Variants in PRDM5 observed in about 807,000 individuals in gnomAD.
PRDM5 encodes the protein PR/SET domain 5.
PRDM5 carries 56 observed loss-of-function variants against 81.2 expected under a neutral mutation model. That is an observed-to-expected ratio of 0.69 (90% confidence interval 0.56 to 0.86). The LOEUF (loss-of-function observed/expected upper bound fraction) is 0.86. Among genes scored for constraint, PRDM5 ranks in the 40% least tolerant of loss-of-function variants. The pLI, the probability that PRDM5 is intolerant of heterozygous loss-of-function variation, is 0.00. For missense variants in PRDM5, 697 were observed against 770.1 expected (o/e 0.91, Z 1.12); for synonymous variants, 267 against 256.4 (o/e 1.04, Z -0.39).
intron 8 of PRDM5, among the ~76,000 whole-genome samples, chr4:120,808,171 A>G (rs1182445831): frequency 1.3e-5 from 2 of 152,134 alleles, no homozygotes; most frequent in African/African-American, 4.8e-5. Flanking sequence ...TGGCTGGGGC[A>G]GCCTGCTTTT....
At chr4:120,747,802 A>T (rs1743360506) in intron 14 of PRDM5, among the ~76,000 whole-genome samples, 1 of 152,250 alleles carries the variant, frequency 6.6e-6, no homozygotes, top group African/African-American at 2.4e-5. Context: ...CTGTTTCTGC[A>T]AACAAGGCTG....
Position 120,818,495 on chromosome 4 carries a change from G to A in PRDM5, c.508C>T (p.Pro170Ser), listed in dbSNP as rs746068577. ...CTGGTAAAACTCGATTCACATTGAG[G>A]ACAAGCATAGTCCTCTTTACAGCCA... ...RLGCKEDYACPQCESSFTSED... is the reference protein window; with the variant it reads ...RLGCKEDYACSQCESSFTSED... The change falls in exon 5 of 16, where the codon CCT becomes TCT. Residue 170 changes from proline to serine, a missense_variant. Pro to Ser is a moderately conservative substitution (Grantham distance 74). Coordinates refer to ENST00000264808, the MANE Select transcript of PRDM5 (RefSeq NM_018699.4). 9.2e-5 allele frequency: 149 copies of A among 1,613,586 alleles called. 4 individuals are homozygous for A. The South Asian group carries it at 1.3e-3, about 14-fold the overall frequency.
chr4:120,861,331 T>A (rs542076493), intron 2 of PRDM5, among the ~76,000 whole-genome samples: 2 of 152,278 alleles, frequency 1.3e-5, no homozygotes, highest in East Asian at 3.9e-4. Flanking sequence ...TGGAGAATTT[T>A]CCCTACAGCA....
At chr4:120,820,185 A>T (rs922379378) in intron 4 of PRDM5, among the ~76,000 whole-genome samples, 4 of 152,194 alleles carry the variant, frequency 2.6e-5, no homozygotes, top group Non-Finnish European at 5.9e-5. Context: ...CTGTGTCCTC[A>T]TGTATGGGCT....
chr4:120,874,736 G>T (rs34698926), intron 2 of PRDM5, among the ~76,000 whole-genome samples: 30,186 of 152,094 alleles, frequency 0.2, 3,325 homozygotes, highest in Non-Finnish European at 0.25. Context: ...GGGGGAAGAA[G>T]AAATTGAGTT....
intron 1 of PRDM5, among the ~76,000 whole-genome samples, chr4:120,918,560 C>T (rs539898112): frequency 2.0e-5 from 3 of 150,002 alleles, no homozygotes; most frequent in African/African-American, 7.4e-5. Flanking sequence ...TTTTTTTTAA[C>T]TTTGTAAAAT....
At chr4:120,853,082 T>C (rs1354044981) in intron 3 of PRDM5, among the ~76,000 whole-genome samples, 1 of 152,130 alleles carries the variant, frequency 6.6e-6, no homozygotes, top group Non-Finnish European at 1.5e-5. Flanking sequence ...GAGGGTATAG[T>C]ACTATGAACA....
chr4:120,721,183 G>C (rs925000745), intron 14 of PRDM5, among the ~76,000 whole-genome samples: 2 of 152,158 alleles, frequency 1.3e-5, no homozygotes, highest in Non-Finnish European at 2.9e-5. Flanking sequence ...GGGCTGCAGG[G>C]TGACTCAAAC....
chr4:120,873,402 CT>C (rs1762036389), intron 2 of PRDM5, among the ~76,000 whole-genome samples: 1 of 152,142 alleles, frequency 6.6e-6, no homozygotes, highest in Non-Finnish European at 1.5e-5. Context: ...TTTCATGAGT[CT>C]TTGATAGAAA....
chr4:120,843,306 C>T (rs1458289983), intron 3 of PRDM5, among the ~76,000 whole-genome samples: 1 of 152,100 alleles, frequency 6.6e-6, no homozygotes, highest in Non-Finnish European at 1.5e-5. Context: ...TGCATCACTC[C>T]AGCCTGGGCA....
In PRDM5 at chr4:120,881,003, GT is replaced by G. The variant is rs1319497679; in HGVS notation, c.177+26470del. Among the ~76,000 whole-genome samples the G allele has an allele frequency of 2.0e-5, 3 of 152,168 alleles. No individual in the cohort carries two copies. In the East Asian group the frequency reaches 5.8e-4, roughly 29 times the overall value. On this transcript the variant is annotated intron_variant, in intron 2 of 15. Coordinates refer to ENST00000264808, the MANE Select transcript of PRDM5 (RefSeq NM_018699.4). Reference sequence around the variant, plus strand: ...TAGCATTCATCAAATTGTTCTCCTGGTTTTTCACATCAAGTTTACATAACAC... The same window carrying G: ...TAGCATTCATCAAATTGTTCTCCTGGTTTTCACATCAAGTTTACATAACAC...
intron 14 of PRDM5, among the ~76,000 whole-genome samples, chr4:120,747,253 G>C (rs1743247170): frequency 3.6e-5 from 5 of 138,600 alleles, no homozygotes; most frequent in Admixed American, 7.7e-5. Context: ...ATGGACACAG[G>C]AAGGGGAACA....
At chr4:120,811,848 A>G (rs1753883635) in intron 7 of PRDM5, among the ~76,000 whole-genome samples, 1 of 152,068 alleles carries the variant, frequency 6.6e-6, no homozygotes, top group Non-Finnish European at 1.5e-5. Flanking sequence ...TGGGGTACCT[A>G]TCACCTCAAG....
chr4:120,749,184 C>A, intron 14 of PRDM5, among the ~76,000 whole-genome samples: 1 of 150,666 alleles, frequency 6.6e-6, no homozygotes. Context: ...GGTCACAAAA[C>A]AATCAGATGA....
intron 2 of PRDM5, among the ~76,000 whole-genome samples, chr4:120,873,549 A>G (rs1469582552): frequency 1.3e-5 from 2 of 152,202 alleles, no homozygotes; most frequent in Non-Finnish European, 2.9e-5. Context: ...TCCCACAAAA[A>G]TTTACAATAG....
intron 14 of PRDM5, among the ~76,000 whole-genome samples, chr4:120,750,684 T>G (rs2149140681): frequency 9.3e-6 from 1 of 107,332 alleles, no homozygotes; most frequent in South Asian, 2.8e-4. Flanking sequence ...ACTTAGTTTC[T>G]TTTACACACA....
chr4:120,762,169 T>TC lies in PRDM5; in HGVS notation c.1538-7532_1538-7531insG, dbSNP rs1435714653. ...AAGAACTCATAATTCCTTGAAAATATGAAAAGATGTACACACAGAAAATGT... is the reference window on the plus strand; with the variant it reads ...AAGAACTCATAATTCCTTGAAAATATCGAAAAGATGTACACACAGAAAATGT... On this transcript the variant is annotated intron_variant, in intron 13 of 15. Transcript: ENST00000264808. 8.5e-5 allele frequency among the ~76,000 whole-genome samples: 13 copies of TC among 152,238 alleles called. No individual in the cohort carries two copies. In the South Asian group the frequency reaches 2.7e-3, roughly 32 times the overall value.
intron 14 of PRDM5, among the ~76,000 whole-genome samples, chr4:120,731,184 C>T (rs1367564880): frequency 1.3e-5 from 2 of 152,028 alleles, no homozygotes; most frequent in African/African-American, 4.8e-5. Flanking sequence ...CCTGAAGTTC[C>T]GCCCACCATG....
chr4:120,781,234 A>C lies in PRDM5; in HGVS notation c.1352T>G (p.Val451Gly). 1 of 1,612,198 alleles carries C rather than the reference A, an allele frequency of 6.2e-7. No homozygotes were observed. Among genetic ancestry groups the C allele is most frequent in the Non-Finnish European group, 8.5e-7 (1 of 1,178,396 alleles). The change falls in exon 12 of 16, where the codon GTC (valine) becomes GGC (glycine). Residue 451 changes from valine (V) to glycine (G), a missense_variant. By Grantham distance (109) the Val-to-Gly change is moderately radical (BLOSUM62 -3). Transcript: ENST00000264808. ...FKRKDTLNVH[V>G]QVVHERHKKY... ...CTTGTGTCTTTCATGAACCACCTGG[A>C]CATGAACATTTAATGTATCCTTCCT...
Sources: allele counts gnomAD v4.1 joint callset (sites outside exome capture counted in the v4.1 genomes callset), GRCh38; gene constraint gnomAD v4.1.1; transcripts MANE v1.5; gene names NCBI Gene and HGNC (gene_info 2026-07-23, HGNC 2026-07-21).